The following ASCC3 variants were observed in gnomAD, a reference collection of about 807,000 sequenced individuals.
ASCC3 encodes ASC-1 complex subunit P200.
ASCC3 carries 158 observed loss-of-function variants against 256.3 expected under a neutral mutation model. That is an observed-to-expected ratio of 0.62 (90% CI 0.54 to 0.70). The LOEUF is 0.70. ASCC3 is among the 30% of genes least tolerant of loss of function. ASCC3 has a pLI of 0.00. For synonymous variants in ASCC3, 948 were observed against 883.4 expected (o/e 1.07, Z -1.30); for missense variants, 2,259 against 2,626.0 (o/e 0.86, Z 3.05).
chr6:100,534,653 G>C (rs867517690), intron 37 of ASCC3, among the ~76,000 whole-genome samples: 1 of 152,092 alleles, frequency 6.6e-6, no homozygotes, highest in South Asian at 2.1e-4. Context: ...TGTTAAGGGG[G>C]ATAGCAAAGG....
chr6:100,730,739 C>T (rs1779860659), intron 10 of ASCC3, among the ~76,000 whole-genome samples: 1 of 152,166 alleles, frequency 6.6e-6, no homozygotes, highest in Admixed American at 6.5e-5. Context: ...CAACAGTCCC[C>T]ATAATGGAAT....
intron 3 of ASCC3, among the ~76,000 whole-genome samples, chr6:100,853,366 A>G (rs1772779538): frequency 6.6e-6 from 1 of 151,968 alleles, no homozygotes; most frequent in Non-Finnish European, 1.5e-5. Context: ...GAAAATTTTA[A>G]TTAAAGATTG....
Position 100,647,267 on chromosome 6 carries a change from A to C in ASCC3, c.3437T>G (p.Leu1146Arg). 3 of 1,613,926 alleles carry C rather than the reference A, an allele frequency of 1.9e-6. No individual in the cohort carries two copies. The highest frequency in any genetic ancestry group is 1.7e-6 in the Non-Finnish European group (2 of 1,179,938). Residue 1146 changes from leucine (L) to arginine (R), a missense_variant, in exon 21 of 42, where the codon CTT (leucine) becomes CGT (arginine). Leu to Arg is a moderately radical substitution (Grantham distance 102, BLOSUM62 -2). This residue lies in a region of ASCC3 where 1,839 missense variants were observed against 2,206.7 expected (regional missense o/e 0.83). Coordinates refer to ENST00000369162, the MANE Select transcript of ASCC3 (RefSeq NM_006828.4). ...CATGTCTTTCAGCTTATCCACAGTA[A>C]GCTTTTTTTCTTCTAATCTTGTTAG... ...HILTRLEEKKLTVDKLKDMRK... is the reference protein window; with the variant it reads ...HILTRLEEKKRTVDKLKDMRK...
intron 10 of ASCC3, among the ~76,000 whole-genome samples, chr6:100,758,574 C>T (rs1781292356): frequency 6.6e-6 from 1 of 152,072 alleles, no homozygotes; most frequent in Admixed American, 6.6e-5. Context: ...GATCTCATTC[C>T]TTTTTATGGC....
At chr6:100,750,887 T>C (rs1380519795) in intron 10 of ASCC3, among the ~76,000 whole-genome samples, 1 of 151,970 alleles carries the variant, frequency 6.6e-6, no homozygotes, top group Non-Finnish European at 1.5e-5. Flanking sequence ...CACTCCAGAA[T>C]TGTAATTCCC....
At chr6:100,610,416 C>G (rs1223558557) in intron 30 of ASCC3, among the ~76,000 whole-genome samples, 1 of 151,794 alleles carries the variant, frequency 6.6e-6, no homozygotes, top group Non-Finnish European at 1.5e-5. Context: ...ATTTTATTTT[C>G]ACTAGTCAGA....
At chr6:100,874,884 G>C (rs1773923242) in intron 1 of ASCC3, among the ~76,000 whole-genome samples, 1 of 152,010 alleles carries the variant, frequency 6.6e-6, no homozygotes, top group Non-Finnish European at 1.5e-5. Flanking sequence ...AACTATGAGG[G>C]GGAAAGCCAA....
At chr6:100,747,336 C>T (rs749746580) in intron 10 of ASCC3, among the ~76,000 whole-genome samples, 2 of 151,946 alleles carry the variant, frequency 1.3e-5, no homozygotes, top group Admixed American at 6.6e-5. Flanking sequence ...GAATACAGTT[C>T]GGTAGTTTCT....
chr6:100,750,481 T>C (rs1182981294), intron 10 of ASCC3, among the ~76,000 whole-genome samples: 3 of 152,000 alleles, frequency 2.0e-5, no homozygotes, highest in African/African-American at 7.2e-5. Context: ...CAAGACAATA[T>C]AGTTTTCCTG....
intron 10 of ASCC3, among the ~76,000 whole-genome samples, chr6:100,749,529 AT>A (rs909752341): frequency 3.9e-5 from 6 of 152,002 alleles, no homozygotes; most frequent in Admixed American, 3.9e-4. Context: ...ATTTGAATTG[AT>A]TTTTAAAAGT....
intron 37 of ASCC3, among the ~76,000 whole-genome samples, chr6:100,532,658 C>T (rs1774975281): frequency 6.6e-6 from 1 of 151,564 alleles, no homozygotes; most frequent in Non-Finnish European, 1.5e-5. Context: ...GAATGTATTT[C>T]AGAATAGCAG....
At chr6:100,829,073 T>C (rs1290766706) in intron 4 of ASCC3, among the ~76,000 whole-genome samples, 1 of 152,058 alleles carries the variant, frequency 6.6e-6, no homozygotes, top group African/African-American at 2.4e-5. Flanking sequence ...CCAGAGTAGC[T>C]AGATACAGAG....
At chr6:100,860,150 C>A (rs554324578) in intron 3 of ASCC3, among the ~76,000 whole-genome samples, 2 of 151,988 alleles carry the variant, frequency 1.3e-5, no homozygotes, top group East Asian at 3.9e-4. Flanking sequence ...TAGTCTCAGT[C>A]TTGACTTCTT....
chr6:100,861,571 C>G (rs754529020), intron 3 of ASCC3, among the ~76,000 whole-genome samples: 3 of 152,090 alleles, frequency 2.0e-5, no homozygotes, highest in Non-Finnish European at 2.9e-5. Context: ...CCAGAAGGGA[C>G]AGCTGACTAC....
intron 16 of ASCC3, among the ~76,000 whole-genome samples, chr6:100,657,010 T>C (rs1327052969): frequency 1.3e-5 from 2 of 151,456 alleles, no homozygotes; most frequent in East Asian, 1.9e-4. Context: ...GTTTAACTCC[T>C]TCATTATAAT....
At chr6:100,646,099 A>C (rs550524990) in intron 22 of ASCC3, among the ~76,000 whole-genome samples, 1 of 152,282 alleles carries the variant, frequency 6.6e-6, no homozygotes, top group South Asian at 2.1e-4. Context: ...GACAAAGTAG[A>C]CATGGCAAAA....
At chr6:100,547,399 T>C (rs1214320236) in intron 36 of ASCC3, among the ~76,000 whole-genome samples, 1 of 152,050 alleles carries the variant, frequency 6.6e-6, no homozygotes, top group East Asian at 1.9e-4. Flanking sequence ...TTAAAATATA[T>C]TGTTAAAATA....
chr6:100,753,868 A>G (rs1781055075), intron 10 of ASCC3, among the ~76,000 whole-genome samples: 1 of 152,204 alleles, frequency 6.6e-6, no homozygotes, highest in Non-Finnish European at 1.5e-5. Context: ...CTAAGGTAAC[A>G]GGCTGAACAT....
At chr6:100,517,519 C>T (rs948920027) in intron 38 of ASCC3, among the ~76,000 whole-genome samples, 6 of 152,044 alleles carry the variant, frequency 3.9e-5, no homozygotes, top group South Asian at 2.1e-4. Context: ...TAAACTCTTA[C>T]GTATAGGTTA....
Sources: gnomAD v4.1 joint callset for allele counts (sites outside exome capture counted in the v4.1 genomes callset) on GRCh38, gnomAD v4.1.1 for gene constraint, gnomAD v4.1.1 regional missense constraint, MANE v1.5 for transcripts, NCBI Gene and HGNC (gene_info 2026-07-23, HGNC 2026-07-21) for gene names.